RPRD2: variants seen among roughly 807,000 people sequenced by gnomAD.
RPRD2 encodes regulation of nuclear pre-mRNA domain containing 2, also known as regulation of nuclear pre-mRNA domain-containing protein 2.
In RPRD2, 12 loss-of-function variants were observed where a neutral mutation model predicts 104.4. That is an observed-to-expected ratio of 0.11 (90% confidence interval 0.07 to 0.19). The LOEUF is 0.19. RPRD2 is among the 10% of genes least tolerant of loss of function. RPRD2 has a pLI of 1.00. For missense variants in RPRD2, 1,543 were observed against 1,790.1 expected (o/e 0.86, Z 2.49); for synonymous variants, 714 against 684.9 (o/e 1.04, Z -0.66).
At position 150,457,514 on chromosome 1, in the gene RPRD2, G is replaced by A. The variant is rs782772394; in HGVS notation, c.1097G>A (p.Arg366His). The change falls in exon 8 of 11, where the codon CGT becomes CAT. Residue 366 changes from arginine (R) to histidine (H), a missense_variant. Physicochemically the swap from Arg to His is conservative, Grantham distance 29. Transcript: ENST00000369068. ...SATPEPVTDNRDVEDMELSDV... is the reference protein window; with the variant it reads ...SATPEPVTDNHDVEDMELSDV... ...ACACCTGAACCTGTGACAGATAATC[G>A]TGATGTGGAAGACATGGAACTCTCA... 7 of 1,613,772 alleles carry A rather than the reference G, an allele frequency of 4.3e-6. No individual in the cohort carries two copies. Among genetic ancestry groups the A allele is most frequent in the Non-Finnish European group, 5.1e-6 (6 of 1,179,816 alleles).
intron 2 of RPRD2, among the ~76,000 whole-genome samples, chr1:150,439,756 G>C (rs1438503700): frequency 6.6e-6 from 1 of 151,558 alleles, no homozygotes; most frequent in African/African-American, 2.4e-5. Flanking sequence ...TGGCAGATCT[G>C]CTAGAATAAA....
chr1:150,402,839 T>C (rs1360744896), intron 1 of RPRD2, among the ~76,000 whole-genome samples: 3 of 152,078 alleles, frequency 2.0e-5, no homozygotes, highest in Non-Finnish European at 2.9e-5. Context: ...TGATGGCACA[T>C]GGCCTGTAAT....
chr1:150,458,331 G>A (rs868934223), intron 8 of RPRD2, among the ~76,000 whole-genome samples: 3 of 151,816 alleles, frequency 2.0e-5, no homozygotes, highest in Non-Finnish European at 4.4e-5. Flanking sequence ...GCATGCGTCT[G>A]TAGCCCCAGC....
At chr1:150,397,582 C>A (rs1168281519) in intron 1 of RPRD2, among the ~76,000 whole-genome samples, 1 of 152,014 alleles carries the variant, frequency 6.6e-6, no homozygotes, top group East Asian at 1.9e-4. Context: ...TTGAGTCTGA[C>A]TTCTTTCATT....
At chr1:150,405,572 G>T (rs781947380) in intron 1 of RPRD2, among the ~76,000 whole-genome samples, 2 of 151,930 alleles carry the variant, frequency 1.3e-5, no homozygotes, top group Non-Finnish European at 2.9e-5. Flanking sequence ...AAACTTCCTG[G>T]TTTCTCTCTC....
In RPRD2 at chr1:150,364,201, G is replaced by T. The variant is rs113619582; in HGVS notation, c.-514G>T. Among the ~76,000 whole-genome samples, 14 of 152,330 alleles carry T rather than the reference G, an allele frequency of 9.2e-5. No homozygotes were observed. The highest frequency in any genetic ancestry group is 2.6e-4 in the African/African-American group (11 of 41,590). On this transcript the variant is annotated 5_prime_UTR_variant, in exon 1 of 11. Coordinates refer to ENST00000369068, the MANE Select transcript of RPRD2 (RefSeq NM_015203.5). ...TTGCAAAAAAAATCCTGACTAGGTAGCCTTGGACCTTTTCTGTGCTAGCGA... is the reference window on the plus strand; with the variant it reads ...TTGCAAAAAAAATCCTGACTAGGTATCCTTGGACCTTTTCTGTGCTAGCGA...
Position 150,471,163 on chromosome 1 carries a change from A to T in RPRD2, c.2215A>T (p.Met739Leu). 1 of 1,613,864 alleles carries T rather than the reference A, an allele frequency of 6.2e-7. No homozygotes were observed. ...RSGTPTQDEM[M>L]DKPTSSSVDT... ...TGGGACACCCACCCAGGATGAGATG[A>T]TGGACAAGCCCACATCCAGCAGTGT... Residue 739 changes from methionine (M) to leucine (L), a missense_variant, in exon 11 of 11, where the codon ATG (methionine) becomes TTG (leucine). Met to Leu is a conservative substitution (Grantham distance 15). This residue lies in a region of RPRD2 where 572 missense variants were observed against 787.3 expected (regional missense o/e 0.73). Transcript: ENST00000369068. This position sits in a 1 kb window ranked among gnomAD's most constrained non-coding sequence, Gnocchi z 5.3.
In RPRD2 at chr1:150,444,289, C is replaced by T; in HGVS notation, c.606C>T (p.Arg202=). 1 of 1,613,696 alleles carries T rather than the reference C, an allele frequency of 6.2e-7. No individual in the cohort carries two copies. The highest frequency in any genetic ancestry group is 2.2e-5 in the East Asian group (1 of 44,862). ...TTGAAGAGCTGTTGCTATACAAGCG[C>T]TCAGAAGATCAGATAGAACTGAAGG... ...ALIEELLLYK[R]SEDQIELKEK... The change falls in exon 6 of 11, where the codon CGC becomes CGT. Residue 202 remains arginine, a synonymous_variant. Coordinates refer to ENST00000369068, the MANE Select transcript of RPRD2 (RefSeq NM_015203.5).
intron 7 of RPRD2, among the ~76,000 whole-genome samples, chr1:150,450,406 A>T (rs1287529191): frequency 1.3e-5 from 2 of 151,616 alleles, no homozygotes; most frequent in African/African-American, 4.8e-5. Flanking sequence ...GGAGATCAAG[A>T]CCATCCTGGC....
Position 150,469,214 on chromosome 1 carries a change from A to G in RPRD2, c.1613-1347A>G, listed in dbSNP as rs1001982985. 2.6e-5 allele frequency among the ~76,000 whole-genome samples: 4 copies of G among 152,312 alleles called. No individual in the cohort carries two copies. In the South Asian group the frequency reaches 6.2e-4, roughly 24 times the overall value. On this transcript the variant is annotated intron_variant, in intron 10 of 10. Coordinates refer to ENST00000369068, the MANE Select transcript of RPRD2 (RefSeq NM_015203.5). ...TTAATCATATAATTACTAAGGAACA[A>G]TGTTAGTGTATTCAGTGACTAAAAG...
intron 2 of RPRD2, among the ~76,000 whole-genome samples, chr1:150,421,092 G>A (rs1664724077): frequency 6.6e-6 from 1 of 152,128 alleles, no homozygotes; most frequent in African/African-American, 2.4e-5. Context: ...GGCCAGATTT[G>A]GTCTGAGGTT....
chr1:150,372,765 T>C (rs1434895980), intron 1 of RPRD2, among the ~76,000 whole-genome samples: 1 of 151,904 alleles, frequency 6.6e-6, no homozygotes, highest in African/African-American at 2.4e-5. Context: ...CAAGACTAAG[T>C]GAACAGAAAA....
chr1:150,457,860 C>G, intron 8 of RPRD2, among the ~76,000 whole-genome samples: 1 of 152,074 alleles, frequency 6.6e-6, no homozygotes, highest in Non-Finnish European at 1.5e-5. Context: ...CACCTGAGGT[C>G]AGGAGTTCGA....
chr1:150,468,159 T>C (rs1283714769), intron 10 of RPRD2, among the ~76,000 whole-genome samples: 2 of 151,916 alleles, frequency 1.3e-5, no homozygotes, highest in Non-Finnish European at 2.9e-5. Context: ...GAAACTTCAG[T>C]GGGCAAAGGA....
chr1:150,475,178 G>A lies in RPRD2; in HGVS notation c.*1844G>A, dbSNP rs2102456305. On this transcript the variant is annotated 3_prime_UTR_variant, in exon 11 of 11. Coordinates refer to ENST00000369068, the MANE Select transcript of RPRD2 (RefSeq NM_015203.5). ...TTACGTGTGGGATGGGGTATGTAGT[G>A]TAGCAAAGAAAAGAAAGTATAGTTA... 1 of 152,098 alleles carries A rather than the reference G, an allele frequency of 6.6e-6. No individual in the cohort carries two copies. The highest frequency in any genetic ancestry group is 1.9e-4 in the East Asian group (1 of 5,186). The allele number at this position is 152,098 out of a possible 1,614,324, so 9.4% of individuals were successfully genotyped here. A position where few individuals can be genotyped will look rare whatever the true frequency, so the allele number is the denominator to read the frequency against.
At chr1:150,384,485 T>C (rs1572365380) in intron 1 of RPRD2, among the ~76,000 whole-genome samples, 1 of 125,380 alleles carries the variant, frequency 8.0e-6, no homozygotes. Flanking sequence ...ATTATTATTA[T>C]TATTATTAGG....
intron 2 of RPRD2, among the ~76,000 whole-genome samples, 156 bp downstream of exon 2, chr1:150,417,881 TTC>T (rs1419038922): frequency 6.6e-6 from 1 of 152,048 alleles, no homozygotes; most frequent in African/African-American, 2.4e-5. Flanking sequence ...ACACACGTTT[TTC>T]TTTCTTTCTT....
Position 150,443,299 on chromosome 1 carries a change from T to G in RPRD2, c.567+16T>G, listed in dbSNP as rs371949155. On this transcript the variant is annotated intron_variant, in intron 5 of 10. Coordinates refer to ENST00000369068, the MANE Select transcript of RPRD2 (RefSeq NM_015203.5). ...TGAATTTCGAGTAAGTTACAGAATT[T>G]GTTTAATATAGCAAAGTATTATTCA... 1.3e-6 allele frequency: 2 copies of G among 1,541,602 alleles called. No homozygotes were observed. The highest frequency in any genetic ancestry group is 4.7e-5 in the East Asian group (2 of 42,542).
In RPRD2 at chr1:150,364,574, C is replaced by T. The variant is rs1659679000; in HGVS notation, c.-141C>T. On this transcript the variant is annotated 5_prime_UTR_variant, in exon 1 of 11. Coordinates refer to ENST00000369068, the MANE Select transcript of RPRD2 (RefSeq NM_015203.5). Reference sequence around the variant, plus strand: ...TCCCGTCCGTACCTCCAGAAGAGCCCAGCGCGTGCACCATCCCCACCCCCT... The same window carrying T: ...TCCCGTCCGTACCTCCAGAAGAGCCTAGCGCGTGCACCATCCCCACCCCCT... 3.3e-6 allele frequency: 2 copies of T among 598,062 alleles called. No homozygotes were observed. Among genetic ancestry groups the T allele is most frequent in the Non-Finnish European group, 5.9e-6 (2 of 341,120 alleles). 37.0% of individuals were successfully genotyped at this position (598,062 alleles called of 1,614,324 possible). A position where few individuals can be genotyped will look rare whatever the true frequency, so the allele number is the denominator to read the frequency against.
Sources: allele counts gnomAD v4.1 joint callset (sites outside exome capture counted in the v4.1 genomes callset), GRCh38; gene constraint gnomAD v4.1.1; regional missense constraint gnomAD v4.1.1; non-coding constraint Gnocchi (gnomAD v3.1); transcripts MANE v1.5; gene names NCBI Gene and HGNC (gene_info 2026-07-23, HGNC 2026-07-21).